The following SLC5A4 variants were observed in gnomAD, a reference collection of about 807,000 sequenced individuals.
SLC5A4 encodes solute carrier family 5 member 4, also known as probable glucose sensor protein SLC5A4.
Under a neutral mutation model 70.3 loss-of-function variants are expected in SLC5A4, and 55 were observed. The ratio of observed to expected loss-of-function variants is 0.78; its 90% CI spans 0.63 to 0.98. The LOEUF (loss-of-function observed/expected upper bound fraction) is 0.98, where lower values mean the gene tolerates loss of function less well. Among genes scored for constraint, SLC5A4 ranks in the 50% least tolerant of loss-of-function variants. SLC5A4 has a pLI of 0.00. For missense variants in SLC5A4, 735 were observed against 839.2 expected (o/e 0.88, Z 1.53); for synonymous variants, 268 against 305.7 (o/e 0.88, Z 1.29).
the SLC5A4 span, among the ~76,000 whole-genome samples, chr22:32,315,302 TAAAA>T: frequency 6.6e-6 from 1 of 151,690 alleles, no homozygotes; most frequent in African/African-American, 2.4e-5. Context: ...GCATAAATAA[TAAAA>T]AGTAGGAGGG....
chr22:32,270,743 T>C, the SLC5A4 span: 25 of 630,754 alleles, frequency 4.0e-5, no homozygotes, highest in South Asian at 4.1e-4. Flanking sequence ...ACCCGCAACA[T>C]GCAGTGCACT....
the SLC5A4 span, among the ~76,000 whole-genome samples, chr22:32,292,985 A>T: frequency 6.6e-6 from 1 of 152,062 alleles, no homozygotes; most frequent in East Asian, 1.9e-4. Flanking sequence ...AGATAGTGAC[A>T]TTTTCTTGTA....
In SLC5A4 at chr22:32,224,269, G is replaced by T; in HGVS notation, c.1663C>A (p.His555Asn). The T allele has an allele frequency of 6.2e-7, 1 of 1,605,978 alleles. No homozygotes were observed. Among genetic ancestry groups the T allele is most frequent in the East Asian group, 2.2e-5 (1 of 44,828 alleles). ...TGTATTCATTACTCATCACTCACAT[G>T]TACATCAGGAATGGGTTTTGTTAAG... ...SLLTKPIPDVHLYRLCWVLRN... is the reference protein window; with the variant it reads ...SLLTKPIPDVNLYRLCWVLRN... The change falls in exon 13 of 15, where the codon CAT becomes AAT. Residue 555 changes from histidine (H) to asparagine (N), a missense_variant and splice_region_variant. Physicochemically the swap from His to Asn is moderately conservative, Grantham distance 68. Transcript: ENST00000266086.
At chr22:32,239,548 A>ATATT (rs1440123542) in intron 5 of SLC5A4, among the ~76,000 whole-genome samples, 4 of 15,236 alleles carry the variant, frequency 2.6e-4, no homozygotes, top group Non-Finnish European at 4.7e-4. Flanking sequence ...ATATATATAT[A>ATATT]TATATATATA....
the SLC5A4 span, among the ~76,000 whole-genome samples, chr22:32,312,386 C>CACACACACACAT: frequency 0.11 from 16,039 of 150,328 alleles, 1,074 homozygotes; most frequent in Non-Finnish European, 0.16. Flanking sequence ...CACACACACA[C>CACACACACACAT]GCACATTCAA....
chr22:32,279,473 GC>G, the SLC5A4 span, among the ~76,000 whole-genome samples: 1 of 151,990 alleles, frequency 6.6e-6, no homozygotes, highest in Non-Finnish European at 1.5e-5. Flanking sequence ...CAGGTCATCT[GC>G]CAGTACAAGA....
the SLC5A4 span, among the ~76,000 whole-genome samples, chr22:32,313,684 CTG>C: frequency 6.6e-6 from 1 of 152,194 alleles, no homozygotes; most frequent in African/African-American, 2.4e-5. Flanking sequence ...CCCCACTGCC[CTG>C]TGTCTATTAC....
At chr22:32,323,350 T>A in the SLC5A4 span, among the ~76,000 whole-genome samples, 3 of 152,162 alleles carry the variant, frequency 2.0e-5, no homozygotes, top group Non-Finnish European at 4.4e-5. Context: ...AGCCTGTATG[T>A]TCCCCCTTAA....
At chr22:32,323,398 CCTCT>C in the SLC5A4 span, among the ~76,000 whole-genome samples, 2 of 152,210 alleles carry the variant, frequency 1.3e-5, no homozygotes, top group African/African-American at 4.8e-5. Flanking sequence ...TTCTACCAGA[CCTCT>C]CTCTGTTCAT....
the SLC5A4 span, among the ~76,000 whole-genome samples, chr22:32,313,717 AACT>A: frequency 6.6e-6 from 1 of 152,220 alleles, no homozygotes; most frequent in Non-Finnish European, 1.5e-5. Flanking sequence ...GCCCAGCCAC[AACT>A]ACTTACCTTC....
At chr22:32,323,877 C>G in the SLC5A4 span, among the ~76,000 whole-genome samples, 14 of 152,190 alleles carry the variant, frequency 9.2e-5, no homozygotes, top group African/African-American at 3.1e-4. Flanking sequence ...CCCCTCCTCA[C>G]TCCTTTTTGC....
the SLC5A4 span, among the ~76,000 whole-genome samples, chr22:32,346,172 T>G: frequency 6.6e-6 from 1 of 152,178 alleles, no homozygotes; most frequent in Non-Finnish European, 1.5e-5. Context: ...ACACAGACCA[T>G]AGGCAGCAAT....
the SLC5A4 span, among the ~76,000 whole-genome samples, chr22:32,324,859 C>T: frequency 2.0e-5 from 3 of 152,224 alleles, no homozygotes; most frequent in Non-Finnish European, 2.9e-5. Context: ...ACAGTAGCCC[C>T]GGGAACGCTT....
chr22:32,338,331 T>C, the SLC5A4 span, among the ~76,000 whole-genome samples: 11 of 151,934 alleles, frequency 7.2e-5, no homozygotes, highest in South Asian at 2.3e-3. Flanking sequence ...CAAATGAAAG[T>C]GGTTTATCTC....
chr22:32,319,939 CAG>C, the SLC5A4 span, among the ~76,000 whole-genome samples: 1 of 151,822 alleles, frequency 6.6e-6, no homozygotes, highest in African/African-American at 2.4e-5. Flanking sequence ...ACTGAACAAA[CAG>C]AAGAACAAAA....
chr22:32,316,286 A>G, the SLC5A4 span, among the ~76,000 whole-genome samples: 71,698 of 151,942 alleles, frequency 0.47, 17,449 homozygotes, highest in East Asian at 0.72. Context: ...GAGCAGAAGC[A>G]TAACAAACAA....
intron 5 of SLC5A4, among the ~76,000 whole-genome samples, chr22:32,245,201 A>G (rs112012588): frequency 6.6e-6 from 1 of 152,226 alleles, no homozygotes; most frequent in African/African-American, 2.4e-5. Flanking sequence ...CTAGGAGACA[A>G]TCCGTGTGTC....
the SLC5A4 span, among the ~76,000 whole-genome samples, chr22:32,290,188 C>T: frequency 1.3e-5 from 2 of 152,058 alleles, no homozygotes; most frequent in Admixed American, 1.3e-4. Flanking sequence ...CCTATCAACC[C>T]GTCATCTAGG....
the SLC5A4 span, among the ~76,000 whole-genome samples, chr22:32,349,044 G>T: frequency 1.3e-5 from 2 of 151,986 alleles, no homozygotes; most frequent in Non-Finnish European, 2.9e-5. Flanking sequence ...GGTGCGATTC[G>T]GCTCACTGCA....
Sources: gnomAD v4.1 joint callset for allele counts (sites outside exome capture counted in the v4.1 genomes callset) on GRCh38, gnomAD v4.1.1 for gene constraint, MANE v1.5 for transcripts, NCBI Gene and HGNC (gene_info 2026-07-23, HGNC 2026-07-21) for gene names.